Variants in OR11A1 observed in about 807,000 individuals in gnomAD.
The protein encoded by OR11A1 is olfactory receptor 11A1.
For synonymous variants in OR11A1, 158 were observed against 152.2 expected, an observed-to-expected ratio of 1.04 and a Z score of -0.28; for missense variants, 380 against 378.2, an observed-to-expected ratio of 1.00 and a Z score of -0.04.
chr6:29,438,533 TG>T (rs1783829720), intron 1 of OR11A1, among the ~76,000 whole-genome samples: 1 of 152,008 alleles, frequency 6.6e-6, no homozygotes, highest in South Asian at 2.1e-4. Flanking sequence ...TCTACAGTGA[TG>T]GGAAAAAATC....
chr6:29,450,836 C>G (rs907909016), intron 1 of OR11A1, among the ~76,000 whole-genome samples: 1 of 152,208 alleles, frequency 6.6e-6, no homozygotes, highest in Admixed American at 6.5e-5. Context: ...CTACCCATGA[C>G]ATTTTTCACA....
At chr6:29,427,946 T>C (rs956516068) in intron 4 of OR11A1, among the ~76,000 whole-genome samples, 1 of 152,170 alleles carries the variant, frequency 6.6e-6, no homozygotes, top group African/African-American at 2.4e-5. Context: ...ATTAATTCAA[T>C]CTACTACCTC....
At chr6:29,452,963 G>A (rs948589395) in intron 1 of OR11A1, among the ~76,000 whole-genome samples, 1 of 151,506 alleles carries the variant, frequency 6.6e-6, no homozygotes, top group Non-Finnish European at 1.5e-5. Flanking sequence ...AGTAAAACAC[G>A]GCAATAGCTG....
intron 1 of OR11A1, among the ~76,000 whole-genome samples, chr6:29,441,751 A>G (rs950727076): frequency 6.6e-6 from 1 of 152,020 alleles, no homozygotes; most frequent in Non-Finnish European, 1.5e-5. Flanking sequence ...TCCACCCTCA[A>G]TTATGTCCTG....
intron 1 of OR11A1, chr6:29,440,404 G>A: frequency 1.2e-6 from 2 of 1,613,950 alleles, no homozygotes; most frequent in Non-Finnish European, 1.7e-6. Context: ...GAACCCCTCC[G>A]CTACCCACTG....
At chr6:29,440,293 G>A (rs1324923117) in intron 1 of OR11A1, 7 of 1,613,990 alleles carry the variant, frequency 4.3e-6, no homozygotes, top group South Asian at 1.1e-5. Flanking sequence ...CACATCTCTC[G>A]CTCTGGATGT....
intron 1 of OR11A1, among the ~76,000 whole-genome samples, chr6:29,452,093 G>T (rs1479130592): frequency 6.6e-6 from 1 of 152,156 alleles, no homozygotes; most frequent in East Asian, 1.9e-4. Context: ...ACCAAATGCT[G>T]CATGTTCTCA....
At chr6:29,433,395 CT>C (rs1783377232) in intron 1 of OR11A1, among the ~76,000 whole-genome samples, 1 of 152,134 alleles carries the variant, frequency 6.6e-6, no homozygotes, top group Non-Finnish European at 1.5e-5. Flanking sequence ...GTGAGTTTGA[CT>C]TTGTAGATTT....
intron 1 of OR11A1, among the ~76,000 whole-genome samples, chr6:29,443,738 T>C (rs1784436232): frequency 6.6e-6 from 1 of 152,258 alleles, no homozygotes; most frequent in African/African-American, 2.4e-5. Context: ...CTTTTCCTCT[T>C]AACATGACAG....
chr6:29,432,963 A>G (rs1228416511), intron 1 of OR11A1, among the ~76,000 whole-genome samples: 1 of 152,244 alleles, frequency 6.6e-6, no homozygotes, highest in African/African-American at 2.4e-5. Context: ...TTCATCAAAC[A>G]GCAGCATATG....
chr6:29,450,880 A>T (rs2523441), intron 1 of OR11A1, among the ~76,000 whole-genome samples: 32,153 of 152,206 alleles, frequency 0.21, 4,134 homozygotes, highest in South Asian at 0.32. Context: ...ATTCATATGT[A>T]ACCAAAAAAG....
chr6:29,440,095 T>C, intron 1 of OR11A1: 1 of 1,613,266 alleles, frequency 6.2e-7, no homozygotes, highest in South Asian at 1.1e-5. Context: ...GGCTTGCTCT[T>C]CTCTGTCTTT....
At chr6:29,436,265 G>C (rs370607468) in intron 1 of OR11A1, among the ~76,000 whole-genome samples, 1 of 152,112 alleles carries the variant, frequency 6.6e-6, no homozygotes, top group East Asian at 1.9e-4. Flanking sequence ...ATGATTTCCT[G>C]ATTTGCTGAA....
intron 4 of OR11A1, chr6:29,428,298 T>C: frequency 1.0e-6 from 1 of 985,246 alleles, no homozygotes; most frequent in Non-Finnish European, 1.2e-6. Context: ...CAGGAGTTGG[T>C]AGTGAAAATG....
Position 29,426,968 on chromosome 6 carries a change from G to A in OR11A1, c.674C>T (p.Ala225Val), listed in dbSNP as rs1268764805. 1.2e-6 allele frequency: 2 copies of A among 1,613,012 alleles called. No homozygotes were observed. Among genetic ancestry groups the A allele is most frequent in the Non-Finnish European group, 1.7e-6 (2 of 1,180,028 alleles). ...TGCCCCAGCAGGAACTCTCAGCACT[G>A]CCACCACAATTCTGGCATAAGATGT... ...ILTSYARIVV[A>V]VLRVPAGASR... Residue 225 changes from alanine to valine, a missense_variant, in exon 5 of 5, where the codon GCA becomes GTA. Physicochemically the swap from Ala to Val is moderately conservative, Grantham distance 64. Coordinates refer to ENST00000377149, the MANE Select transcript of OR11A1 (RefSeq NM_001394828.1).
chr6:29,446,984 T>C (rs1456193503), intron 1 of OR11A1, among the ~76,000 whole-genome samples: 1 of 152,220 alleles, frequency 6.6e-6, no homozygotes, highest in East Asian at 1.9e-4. Context: ...CTGTCGACCA[T>C]AGGCACCCTG....
In OR11A1 at chr6:29,445,664, A is replaced by G. The variant is rs141294705; in HGVS notation, c.-389+11323T>C. 8.0e-3 allele frequency among the ~76,000 whole-genome samples: 1,217 copies of G among 152,224 alleles called. 13 individuals carry two copies. Among genetic ancestry groups the G allele is most frequent in the East Asian group, 0.025 (131 of 5,168 alleles). The stretch of plus-strand genomic sequence containing the variant: ...CCCACTGAGCTCTCTGGGATTCACA[A>G]ATCAGTGCCCTAGGGAGGGCTTGGA... On this transcript the variant is annotated intron_variant, in intron 1 of 4. Transcript: ENST00000377149.
chr6:29,430,716 C>T (rs550027900), intron 2 of OR11A1, among the ~76,000 whole-genome samples: 1 of 152,246 alleles, frequency 6.6e-6, no homozygotes, highest in East Asian at 1.9e-4. Flanking sequence ...GTATAATGCA[C>T]ACTATCTGTG....
intron 2 of OR11A1, among the ~76,000 whole-genome samples, chr6:29,431,059 TTTG>T (rs1348057597): frequency 6.6e-6 from 1 of 152,170 alleles, no homozygotes; most frequent in African/African-American, 2.4e-5. Flanking sequence ...AAAATGCCTG[TTTG>T]TTGTCTAACG....
Sources: allele counts gnomAD v4.1 joint callset (sites outside exome capture counted in the v4.1 genomes callset), GRCh38; gene constraint gnomAD v4.1.1; transcripts MANE v1.5; gene names NCBI Gene and HGNC (gene_info 2026-07-23, HGNC 2026-07-21).